SERPINA12: variants seen among roughly 807,000 people sequenced by gnomAD.
SERPINA12 encodes serpin family A member 12, also known as serpin A12.
In SERPINA12, 21 loss-of-function variants were observed where a neutral mutation model predicts 25.9. The observed-to-expected ratio is 0.81, with a 90% CI of 0.58 to 1.17. SERPINA12 has a LOEUF of 1.17. Ranked by LOEUF, SERPINA12 falls within the 50% of genes most tolerant of loss-of-function variation. SERPINA12 has a pLI of 0.00. For synonymous variants in SERPINA12, 220 were observed against 196.0 expected, an observed-to-expected ratio of 1.12 and a Z score of -1.02; for missense variants, 562 against 508.3, an observed-to-expected ratio of 1.11 and a Z score of -1.02.
chr14:94,496,446 C>T lies in SERPINA12; in HGVS notation c.832G>A (p.Gly278Ser). Residue 278 changes from glycine to serine, a missense_variant, in exon 3 of 5, where the codon GGC (glycine) becomes AGC (serine). Gly to Ser is a moderately conservative substitution (Grantham distance 56). Coordinates refer to ENST00000677451, the MANE Select transcript of SERPINA12 (RefSeq NM_001382267.1). ...ITAIFILPDE[G>S]KLKHLEKGLQ... ...CCCTTCTCCAAGTGCTTCAGCTTGC[C>T]CTCATCAGGAAGGATGAAGATGGCT... The T allele has an allele frequency of 6.2e-7, 1 of 1,614,122 alleles. No homozygotes were observed. The highest frequency in any genetic ancestry group is 8.5e-7 in the Non-Finnish European group (1 of 1,180,016).
At chr14:94,507,614 A>G (rs1411024421) in intron 1 of SERPINA12, among the ~76,000 whole-genome samples, 1 of 152,246 alleles carries the variant, frequency 6.6e-6, no homozygotes, top group Non-Finnish European at 1.5e-5. Context: ...ATCATTAATC[A>G]TCAGAAACAT....
intron 1 of SERPINA12, among the ~76,000 whole-genome samples, chr14:94,506,474 G>T (rs1215028107): frequency 1.3e-5 from 2 of 152,070 alleles, no homozygotes; most frequent in Non-Finnish European, 2.9e-5. Context: ...GTCATAGATG[G>T]GGCACTCTTA....
At chr14:94,507,306 T>C (rs1453335660) in intron 1 of SERPINA12, among the ~76,000 whole-genome samples, 1 of 152,198 alleles carries the variant, frequency 6.6e-6, no homozygotes, top group Non-Finnish European at 1.5e-5. Context: ...TAGACAATCT[T>C]TGTGACCATG....
intron 1 of SERPINA12, chr14:94,500,748 A>C: frequency 1.9e-6 from 1 of 539,368 alleles, no homozygotes; most frequent in Non-Finnish European, 2.4e-6. Context: ...AGGGCTCTTA[A>C]GAGAAACCGG....
At chr14:94,492,369 TA>T (rs1900212393) in intron 3 of SERPINA12, among the ~76,000 whole-genome samples, 2 of 152,118 alleles carry the variant, frequency 1.3e-5, no homozygotes, top group Admixed American at 6.5e-5. Flanking sequence ...GAGAAGCTTT[TA>T]TGTTGGGAAA....
chr14:94,517,783 TCAGATGC>T (rs1480382870), exon 1 of SERPINA12: 1 of 152,264 alleles, frequency 6.6e-6, no homozygotes, highest in Non-Finnish European at 1.5e-5. Flanking sequence ...TTCAGTCCCC[TCAGATGC>T]CAGCCAGACA....
At chr14:94,515,565 A>C (rs1901212564) in intron 2 of SERPINA12, among the ~76,000 whole-genome samples, 1 of 152,236 alleles carries the variant, frequency 6.6e-6, no homozygotes, top group Non-Finnish European at 1.5e-5. Context: ...ATGCTGCTCC[A>C]CTTGGGCCCT....
At chr14:94,494,633 G>A (rs17090965) in intron 3 of SERPINA12, among the ~76,000 whole-genome samples, 3,032 of 152,254 alleles carry the variant, frequency 0.02, 117 homozygotes, top group African/African-American at 0.068. Flanking sequence ...GGGTAAGAGG[G>A]TCAGATTTGC....
intron 1 of SERPINA12, chr14:94,503,403 T>C (rs1900812761): frequency 1.3e-6 from 1 of 752,160 alleles, no homozygotes; most frequent in Non-Finnish European, 1.6e-6. Context: ...TGTCAGGCAC[T>C]GGGGCACTAG....
chr14:94,504,996 G>A (rs901450355), intron 1 of SERPINA12, among the ~76,000 whole-genome samples: 1 of 152,220 alleles, frequency 6.6e-6, no homozygotes, highest in East Asian at 1.9e-4. Flanking sequence ...CACTGATGCT[G>A]GGATGGAAGA....
intron 1 of SERPINA12, chr14:94,503,340 C>T (rs896564124): frequency 2.0e-6 from 2 of 984,908 alleles, no homozygotes; most frequent in African/African-American, 3.5e-5. Context: ...GTTAATTTGC[C>T]CTGTAGATTT....
chr14:94,510,185 A>C (rs893859013), upstream of SERPINA12: 3 of 985,334 alleles, frequency 3.0e-6, no homozygotes, highest in African/African-American at 1.7e-5. Context: ...AGGAGACTGC[A>C]TTGGATCTGT....
intron 3 of SERPINA12, among the ~76,000 whole-genome samples, chr14:94,495,059 CCTTT>C (rs1362158189): frequency 1.5e-5 from 2 of 134,336 alleles, no homozygotes; most frequent in Non-Finnish European, 3.0e-5. Context: ...TCAGAATTTC[CCTTT>C]CTTTTTTTTT....
chr14:94,491,916 G>A (rs995212738), intron 3 of SERPINA12, among the ~76,000 whole-genome samples: 11 of 152,094 alleles, frequency 7.2e-5, no homozygotes, highest in African/African-American at 2.7e-4. Flanking sequence ...TAATAGAGAT[G>A]GTGTTTAAAG....
intron 1 of SERPINA12, among the ~76,000 whole-genome samples, chr14:94,502,509 A>T (rs960873449): frequency 7.9e-5 from 12 of 152,166 alleles, no homozygotes; most frequent in African/African-American, 2.9e-4. Context: ...TTATCACCAC[A>T]GTTTGAAGAA....
intron 4 of SERPINA12, among the ~76,000 whole-genome samples, chr14:94,488,209 A>G (rs2139842937): frequency 6.6e-6 from 1 of 152,318 alleles, no homozygotes; most frequent in Non-Finnish European, 1.5e-5. Context: ...GGAAAGCTCA[A>G]AAGTGAGAAA....
At chr14:94,491,788 T>C (rs566001712) in intron 3 of SERPINA12, among the ~76,000 whole-genome samples, 1 of 152,218 alleles carries the variant, frequency 6.6e-6, no homozygotes, top group East Asian at 1.9e-4. Flanking sequence ...TCATTCTGGA[T>C]GTGTTGACAC....
rs1271785188 is a variant in SERPINA12 at position 94,497,969 on chromosome 14, C to T, written c.429G>A (p.Arg143=). ...SIGNTLFIDQ[R]LQPQRKFLED... ...CCAAAAACTTACGCTGTGGCTGCAGCCTCTGGTCAATGAACAGCGTGTTCC... is the reference window on the plus strand; with the variant it reads ...CCAAAAACTTACGCTGTGGCTGCAGTCTCTGGTCAATGAACAGCGTGTTCC... The change falls in exon 2 of 5, where the codon AGG becomes AGA. Residue 143 remains arginine, a synonymous_variant. Coordinates refer to ENST00000677451, the MANE Select transcript of SERPINA12 (RefSeq NM_001382267.1). The T allele has an allele frequency of 1.9e-6, 3 of 1,614,194 alleles. No homozygotes were observed. The highest frequency in any genetic ancestry group is 3.3e-5 in the Admixed American group (2 of 60,024).
chr14:94,492,749 C>T (rs924476614), intron 3 of SERPINA12, among the ~76,000 whole-genome samples: 6 of 152,140 alleles, frequency 3.9e-5, no homozygotes, highest in South Asian at 2.1e-4. Context: ...CCAATATGTA[C>T]GGAAATGTGT....
Sources: gnomAD v4.1 joint callset for allele counts (sites outside exome capture counted in the v4.1 genomes callset) on GRCh38, gnomAD v4.1.1 for gene constraint, MANE v1.5 for transcripts, NCBI Gene and HGNC (gene_info 2026-07-23, HGNC 2026-07-21) for gene names.